Variants in PARK7 observed in about 807,000 individuals in gnomAD.
PARK7 encodes Parkinson disease protein 7.
In PARK7, 14 loss-of-function variants were observed where a neutral mutation model predicts 20.5. The observed-to-expected ratio is 0.68, with a 90% CI of 0.45 to 1.07. The LOEUF (loss-of-function observed/expected upper bound fraction) is 1.07, where lower values mean the gene tolerates loss of function less well. PARK7 is among the 50% of genes least tolerant of loss of function. PARK7 has a pLI of 0.00. For synonymous variants in PARK7, 98 were observed against 84.3 expected (o/e 1.16, Z -0.89); for missense variants, 234 against 238.1 (o/e 0.98, Z 0.11).
chr1:7,977,160 T>G (rs1343777127), intron 5 of PARK7, among the ~76,000 whole-genome samples: 1 of 152,194 alleles, frequency 6.6e-6, no homozygotes. Flanking sequence ...CCCGCCCCAG[T>G]GATCCTCCCC....
In PARK7 at chr1:7,961,913, G is replaced by T. The variant is rs35675666; in HGVS notation, c.-24+120G>T. The T allele has an allele frequency of 0.18, 28,082 of 152,330 alleles. 2,901 individuals are homozygous for T. The highest frequency in any genetic ancestry group is 0.25 in the African/African-American group (10,394 of 41,528). The allele number at this position is 152,330 out of a possible 1,614,324, so 9.4% of individuals were successfully genotyped here. On this transcript the variant is annotated intron_variant, in intron 1 of 6. Coordinates refer to ENST00000338639, the MANE Select transcript of PARK7 (RefSeq NM_007262.5). ...TGGCTCAGAACCGGCGCGGGGCCTG[G>T]GTCGGGGCCGCCCTCGCTTCCGGCC...
intron 6 of PARK7, among the ~76,000 whole-genome samples, chr1:7,981,480 A>G (rs1259490787): frequency 6.6e-6 from 1 of 152,156 alleles, no homozygotes; most frequent in Non-Finnish European, 1.5e-5. Flanking sequence ...TAAATATTGC[A>G]GGCTTTCTGG....
At chr1:7,962,263 CCA>C (rs1199013780) in intron 1 of PARK7, among the ~76,000 whole-genome samples, 6 of 152,154 alleles carry the variant, frequency 3.9e-5, no homozygotes, top group Admixed American at 3.9e-4. Flanking sequence ...CTGTTGACCC[CCA>C]CACACAATTT....
intron 2 of PARK7, 24 bp downstream of exon 2, chr1:7,962,899 C>G (rs1216460322): frequency 1.3e-6 from 2 of 1,557,726 alleles, no homozygotes; most frequent in Non-Finnish European, 8.9e-7. Flanking sequence ...CGATTTTTAG[C>G]CATTCCTGTT....
At chr1:7,965,950 C>T (rs1347664813) in intron 3 of PARK7, among the ~76,000 whole-genome samples, 2 of 152,224 alleles carry the variant, frequency 1.3e-5, no homozygotes, top group African/African-American at 2.4e-5. Flanking sequence ...GCTCGGACTA[C>T]AGGCATGTGC....
chr1:7,984,863 G>C lies in PARK7; in HGVS notation c.410-31G>C, dbSNP rs752309280. Reference sequence around the variant, plus strand: ...GTCTTTCTCGTCACATAGCCCATTAGGATGTCACCTTTTCTGTTTCTACTT... The same window carrying C: ...GTCTTTCTCGTCACATAGCCCATTACGATGTCACCTTTTCTGTTTCTACTT... On this transcript the variant is annotated intron_variant, in intron 6 of 6. Coordinates refer to ENST00000338639, the MANE Select transcript of PARK7 (RefSeq NM_007262.5). The surrounding 1 kb of genome is among the most constrained non-coding windows in gnomAD (Gnocchi z 4.3). 2 of 1,613,506 alleles carry C rather than the reference G, an allele frequency of 1.2e-6. No homozygotes were observed. Among genetic ancestry groups the C allele is most frequent in the Non-Finnish European group, 1.7e-6 (2 of 1,179,560 alleles).
At chr1:7,962,736 A>C in intron 1 of PARK7, 27 bp from the exon 2 acceptor site, 1 of 1,398,404 alleles carries the variant, frequency 7.2e-7, no homozygotes, top group Non-Finnish European at 9.9e-7. Context: ...AAGTTTTTTG[A>C]AATCTTTTTT....
At chr1:7,982,220 C>T (rs1352130774) in intron 6 of PARK7, among the ~76,000 whole-genome samples, 1 of 151,092 alleles carries the variant, frequency 6.6e-6, no homozygotes, top group Non-Finnish European at 1.5e-5. Context: ...ATCCTGACCT[C>T]AGGTGATCCA....
rs117173176 is a variant in PARK7 at position 7,968,890 on chromosome 1, A to G, written c.193-455A>G. 7.1e-4 allele frequency among the ~76,000 whole-genome samples: 108 copies of G among 152,320 alleles called. No homozygotes were observed. The East Asian group carries it at 0.018, about 26-fold the overall frequency. On this transcript the variant is annotated intron_variant, in intron 3 of 6. Coordinates refer to ENST00000338639, the MANE Select transcript of PARK7 (RefSeq NM_007262.5). ...AATAATTCAAACAATATAGACACAT[A>G]TAAAGTCAAAATGTTAAATGTCCTG...
At chr1:7,962,899 C>A in intron 2 of PARK7, 24 bp downstream of exon 2, 2 of 1,557,718 alleles carry the variant, frequency 1.3e-6, no homozygotes, top group Non-Finnish European at 1.8e-6. Flanking sequence ...CGATTTTTAG[C>A]CATTCCTGTT....
chr1:7,981,961 C>T (rs1578105104), intron 6 of PARK7, among the ~76,000 whole-genome samples: 1 of 147,180 alleles, frequency 6.8e-6, no homozygotes, highest in Non-Finnish European at 1.5e-5. Flanking sequence ...CCCAGCCCCC[C>T]CGCCTTTTTT....
intron 5 of PARK7, among the ~76,000 whole-genome samples, chr1:7,973,680 C>T (rs1455006260): frequency 1.3e-5 from 2 of 151,582 alleles, no homozygotes. Flanking sequence ...CGCCATTGCA[C>T]TCCAGCCTGG....
chr1:7,968,116 T>C (rs533753730), intron 3 of PARK7, among the ~76,000 whole-genome samples: 2 of 152,124 alleles, frequency 1.3e-5, no homozygotes, highest in African/African-American at 4.8e-5. Context: ...GAGACCAGCC[T>C]GGTCAAGAGG....
At chr1:7,977,578 C>T in intron 5 of PARK7, 74 bp from the exon 6 acceptor site, 1 of 1,329,342 alleles carries the variant, frequency 7.5e-7, no homozygotes, top group South Asian at 1.2e-5. Context: ...AGCCACTGTG[C>T]CAGGCACTAT....
At chr1:7,966,288 G>A (rs1640327891) in intron 3 of PARK7, among the ~76,000 whole-genome samples, 1 of 152,004 alleles carries the variant, frequency 6.6e-6, no homozygotes, top group South Asian at 2.1e-4. Context: ...CAGATACATA[G>A]GAAAAAGTTT....
rs917327201 is a variant in PARK7, at chr1:7,984,730, T to G, written c.410-164T>G. 1.3e-6 allele frequency: 1 copy of G among 783,804 alleles called. No individual in the cohort carries two copies. Among genetic ancestry groups the G allele is most frequent in the East Asian group, 2.7e-5 (1 of 37,134 alleles). 48.6% of individuals were successfully genotyped at this position (783,804 alleles called of 1,614,324 possible). A position where few individuals can be genotyped will look rare whatever the true frequency, so the allele number is the denominator to read the frequency against. ...TGCTCTGCACAGTTTTAAAAATACC[T>G]TTGTAGGGGGCTTCTAAGAGCTTGG... On this transcript the variant is annotated intron_variant, in intron 6 of 6. Transcript: ENST00000338639. The surrounding 1 kb of genome is among the most constrained non-coding windows in gnomAD (Gnocchi z 4.3).
Position 7,985,337 on chromosome 1 carries a change from AC to A in PARK7, c.*285del, listed in dbSNP as rs1422166354. On this transcript the variant is annotated 3_prime_UTR_variant, in exon 7 of 7. Coordinates refer to ENST00000338639, the MANE Select transcript of PARK7 (RefSeq NM_007262.5). ...CTTTTGTGAAATTAAATTCCGTATC[AC>A]CTTCATTTGCAGCTCTTAACTGTCC... 7.0e-6 allele frequency: 3 copies of A among 428,858 alleles called. No homozygotes were observed. The highest frequency in any genetic ancestry group is 1.3e-5 in the Non-Finnish European group (3 of 229,518). The allele number at this position is 428,858 out of a possible 1,614,324, so 26.6% of individuals were successfully genotyped here.
At chr1:7,977,202 G>C (rs1420511036) in intron 5 of PARK7, among the ~76,000 whole-genome samples, 3 of 152,170 alleles carry the variant, frequency 2.0e-5, no homozygotes, top group African/African-American at 7.2e-5. Flanking sequence ...TGTGGTCCCT[G>C]TTCTGGGGAT....
chr1:7,983,976 C>CGAGGGCAGTAAATA (rs1471667717), intron 6 of PARK7, among the ~76,000 whole-genome samples: 1 of 152,108 alleles, frequency 6.6e-6, no homozygotes, highest in Admixed American at 6.6e-5. Context: ...ATCAATGCTG[C>CGAGGGCAGTAAATA]GAGGGCAGTA....
Sources: allele counts gnomAD v4.1 joint callset (sites outside exome capture counted in the v4.1 genomes callset), GRCh38; gene constraint gnomAD v4.1.1; non-coding constraint Gnocchi (gnomAD v3.1); transcripts MANE v1.5; gene names NCBI Gene and HGNC (gene_info 2026-07-23, HGNC 2026-07-21).